Variants in FADS1 observed in about 807,000 individuals in gnomAD.
FADS1 encodes the protein fatty acid desaturase 1, also known as acyl-CoA (8-3)-desaturase.
In FADS1, 17 loss-of-function variants were observed where a neutral mutation model predicts 61.6. The ratio of observed to expected loss-of-function variants is 0.28; its 90% CI spans 0.19 to 0.41. FADS1 has a LOEUF of 0.41. Ranked by LOEUF, FADS1 falls within the 10% of genes least tolerant of loss-of-function variation. The pLI is 1.00. For synonymous variants in FADS1, 238 were observed against 258.7 expected, an observed-to-expected ratio of 0.92 and a Z score of 0.77; for missense variants, 387 against 650.9, an observed-to-expected ratio of 0.59 and a Z score of 4.41.
chr11:61,811,919 TTGGCCAGGC>T (rs1321007531), intron 3 of FADS1: 2 of 421,756 alleles, frequency 4.7e-6, no homozygotes, highest in Non-Finnish European at 9.6e-6. Flanking sequence ...TTTCACCACG[TTGGCCAGGC>T]TGGTCTTGAA....
At position 61,801,318 on chromosome 11, in the gene FADS1, G is replaced by A. The variant is rs938528840; in HGVS notation, c.*1093C>T. On this transcript the variant is annotated 3_prime_UTR_variant, in exon 12 of 12. Transcript: ENST00000350997. ...TTGGGAAGCAAAGGGAAACCACTGG[G>A]CATCCCCTTTGTTTCTAGGGAGAAA... 2.6e-5 allele frequency: 4 copies of A among 152,272 alleles called. No homozygotes were observed. Among genetic ancestry groups the A allele is most frequent in the African/African-American group, 9.7e-5 (4 of 41,414 alleles). The allele number at this position is 152,272 out of a possible 1,614,324, so 9.4% of individuals were successfully genotyped here.
chr11:61,803,172 T>TC lies in FADS1; in HGVS notation c.1249-62dup. On this transcript the variant is annotated intron_variant, in intron 9 of 11. Coordinates refer to ENST00000350997, the MANE Select transcript of FADS1 (RefSeq NM_013402.7). This position sits in a 1 kb window ranked among gnomAD's most constrained non-coding sequence, Gnocchi z 4.3. ...TCAGATGGAAAGGCCAGCCCAGCAT[T>TC]CTCCAGGTAAAGCTGGCTGAGGAAG... is the stretch of plus-strand genomic sequence containing the variant. 6.5e-7 allele frequency: 1 copy of TC among 1,534,118 alleles called. No individual in the cohort carries two copies. The highest frequency in any genetic ancestry group is 1.7e-5 in the Admixed American group (1 of 58,886).
rs1349269229 is a variant in FADS1, at chr11:61,800,707, C to G, written c.*1704G>C. ...TCCTCCTAGTTTGAGGTTCTCTTCT[C>G]CCAGTGTCTAAAATGATCAATATGC... On this transcript the variant is annotated 3_prime_UTR_variant, in exon 12 of 12. Coordinates refer to ENST00000350997, the MANE Select transcript of FADS1 (RefSeq NM_013402.7). 2.0e-5 allele frequency: 3 copies of G among 152,362 alleles called. No homozygotes were observed. Among genetic ancestry groups the G allele is most frequent in the Non-Finnish European group, 4.4e-5 (3 of 68,038 alleles). The allele number at this position is 152,362 out of a possible 1,614,324, so 9.4% of individuals were successfully genotyped here.
chr11:61,803,865 A>G lies in FADS1; in HGVS notation c.1054-98T>C. ...GCATGGTGCAGCCATTCTCCTGGTT[A>G]TCCAGACTCACTCATCTTCAGCTTC... On this transcript the variant is annotated intron_variant, in intron 7 of 11. Transcript: ENST00000350997. The surrounding 1 kb of genome is among the most constrained non-coding windows in gnomAD (Gnocchi z 4.3). 2 of 888,298 alleles carry G rather than the reference A, an allele frequency of 2.3e-6. No homozygotes were observed. Among genetic ancestry groups the G allele is most frequent in the South Asian group, 2.9e-5 (2 of 69,202 alleles). The allele number at this position is 888,298 out of a possible 1,614,324, so 55.0% of individuals were successfully genotyped here.
chr11:61,811,096 C>CT, intron 3 of FADS1, 21 bp from the exon 4 acceptor site: 1 of 1,587,374 alleles, frequency 6.3e-7, no homozygotes, highest in South Asian at 1.1e-5. Context: ...AGAGTCAACA[C>CT]TGAGAGCAGC....
At chr11:61,804,349 A>C (rs1325150580) in intron 7 of FADS1, 1 of 287,126 alleles carries the variant, frequency 3.5e-6, no homozygotes, top group Non-Finnish European at 6.5e-6. Flanking sequence ...CTCTTTTCTG[A>C]TTAATAACCA....
At position 61,805,286 on chromosome 11, in the gene FADS1, A is replaced by C. The variant is rs935738765; in HGVS notation, c.977-525T>G. The C allele has an allele frequency of 1.9e-5, 3 of 156,962 alleles. No homozygotes were observed. The East Asian group carries it at 5.6e-4, about 29-fold the overall frequency. 9.7% of individuals were successfully genotyped at this position (156,962 alleles called of 1,614,324 possible). ...TTGGGAGGGACCCTGTGGATCCTTC[A>C]CAGGCTGTGAAGCTCACTTCCTTAA... On this transcript the variant is annotated intron_variant, in intron 6 of 11. Transcript: ENST00000350997.
chr11:61,816,919 C>T lies in FADS1; in HGVS notation c.11G>A (p.Arg4His), dbSNP rs2066991209. ...GGGCAGACCGGCGGGCCTCGCAGCGCGCGTTCCCATTGGCCGAGCCTCGTG... is the reference window on the plus strand; with the variant it reads ...GGGCAGACCGGCGGGCCTCGCAGCGTGCGTTCCCATTGGCCGAGCCTCGTG... The part of the protein sequence containing the change: MGT[R>H]AARPAGLPCG... The change falls in exon 1 of 12, where the codon CGC becomes CAC. Residue 4 changes from arginine to histidine, a missense_variant. By Grantham distance (29) the Arg-to-His change is conservative. Coordinates refer to ENST00000350997, the MANE Select transcript of FADS1 (RefSeq NM_013402.7). This position sits in a 1 kb window ranked among gnomAD's most constrained non-coding sequence, Gnocchi z 7.0. The T allele has an allele frequency of 1.4e-6, 2 of 1,399,764 alleles. No homozygotes were observed. The highest frequency in any genetic ancestry group is 1.8e-6 in the Non-Finnish European group (2 of 1,087,610). The allele number at this position is 1,399,764 out of a possible 1,614,324, so 86.7% of individuals were successfully genotyped here.
At chr11:61,808,833 C>T (rs942119509) in intron 5 of FADS1, among the ~76,000 whole-genome samples, 6 of 152,222 alleles carry the variant, frequency 3.9e-5, no homozygotes, top group African/African-American at 1.4e-4. Flanking sequence ...CCTGCTCCTC[C>T]GTGGTCTGGT....
At position 61,801,410 on chromosome 11, in the gene FADS1, T is replaced by C. The variant is rs1010310303; in HGVS notation, c.*1001A>G. On this transcript the variant is annotated 3_prime_UTR_variant, in exon 12 of 12. Coordinates refer to ENST00000350997, the MANE Select transcript of FADS1 (RefSeq NM_013402.7). ...AAGACCCCCAGTCCTAGAAGTGTTC[T>C]GTTCCTGAGGAGTGGTTAAAGAGGT... is the stretch of plus-strand genomic sequence containing the variant. 3.3e-5 allele frequency: 5 copies of C among 152,372 alleles called. No individual in the cohort carries two copies. Among genetic ancestry groups the C allele is most frequent in the Non-Finnish European group, 7.3e-5 (5 of 68,044 alleles). The allele number at this position is 152,372 out of a possible 1,614,324, so 9.4% of individuals were successfully genotyped here. A position where few individuals can be genotyped will look rare whatever the true frequency, so the allele number is the denominator to read the frequency against.
At chr11:61,810,435 G>A (rs1189739761) in intron 5 of FADS1, among the ~76,000 whole-genome samples, 1 of 152,180 alleles carries the variant, frequency 6.6e-6, no homozygotes, top group African/African-American at 2.4e-5. Flanking sequence ...TCCAGGAGGT[G>A]CCATCAGCAC....
chr11:61,811,127 T>C (rs2066928177), intron 3 of FADS1, 52 bp from the exon 4 acceptor site: 1 of 1,362,334 alleles, frequency 7.3e-7, no homozygotes, highest in Admixed American at 1.7e-5. Context: ...CAGTGTCGCC[T>C]TCACTGACCT....
Position 61,812,230 on chromosome 11 carries a change from T to C in FADS1, c.684+241A>G, listed in dbSNP as rs553545122. ...GGGCTGTGGCAGAGAACAAACCGCATAGGAAGAAGAGAACCCTTGGAGAAG... is the reference window on the plus strand; with the variant it reads ...GGGCTGTGGCAGAGAACAAACCGCACAGGAAGAAGAGAACCCTTGGAGAAG... On this transcript the variant is annotated intron_variant, in intron 3 of 11. Coordinates refer to ENST00000350997, the MANE Select transcript of FADS1 (RefSeq NM_013402.7). Among the ~76,000 whole-genome samples the C allele has an allele frequency of 3.0e-4, 45 of 152,206 alleles. 2 individuals carry two copies. The Middle Eastern group carries it at 0.014, about 46-fold the overall frequency.
At chr11:61,811,973 A>G in intron 3 of FADS1, 1 of 362,988 alleles carries the variant, frequency 2.8e-6, no homozygotes, top group South Asian at 2.0e-5. Flanking sequence ...TTGGCCTCCC[A>G]AAGTGCTAGG....
chr11:61,811,730 C>T (rs959490085), intron 3 of FADS1: 2 of 313,586 alleles, frequency 6.4e-6, no homozygotes, highest in Admixed American at 8.1e-5. Context: ...GCTGGGATTA[C>T]AGGCACCCAC....
intron 6 of FADS1, 163 bp from the exon 7 acceptor site, chr11:61,804,924 G>A: frequency 1.6e-6 from 1 of 627,548 alleles, no homozygotes; most frequent in Non-Finnish European, 2.8e-6. Context: ...ACTGGAACCA[G>A]CAGGCACTGA....
At position 61,802,568 on chromosome 11, in the gene FADS1, C is replaced by T; in HGVS notation, c.1455-106G>A. 7.7e-7 allele frequency: 1 copy of T among 1,290,942 alleles called. No homozygotes were observed. Among genetic ancestry groups the T allele is most frequent in the Non-Finnish European group, 1.1e-6 (1 of 913,422 alleles). 80.0% of individuals were successfully genotyped at this position (1,290,942 alleles called of 1,614,324 possible). A position where few individuals can be genotyped will look rare whatever the true frequency, so the allele number is the denominator to read the frequency against. ...CCTTCTTCCATCTGGAGGTTTTCCT[C>T]CCCTCTACTTTAGAGAAAGCTAGCT... On this transcript the variant is annotated intron_variant, in intron 11 of 11. Transcript: ENST00000350997. The surrounding 1 kb of genome is among the most constrained non-coding windows in gnomAD (Gnocchi z 4.2).
intron 5 of FADS1, among the ~76,000 whole-genome samples, chr11:61,809,747 T>C (rs913280315): frequency 6.6e-6 from 1 of 152,148 alleles, no homozygotes; most frequent in African/African-American, 2.4e-5. Context: ...GTCATCTGCA[T>C]AGTACTGACC....
chr11:61,804,639 G>C lies in FADS1; in HGVS notation c.1053+46C>G, dbSNP rs766039999. On this transcript the variant is annotated intron_variant, in intron 7 of 11. Transcript: ENST00000350997. ...TGGGGAACCCCTATCCCCCACTCTG[G>C]GTGCTGGAGACAAGGATGTGGGCTT... 10 of 1,538,254 alleles carry C rather than the reference G, an allele frequency of 6.5e-6. No individual in the cohort carries two copies. The Admixed American group carries it at 8.4e-5, about 13-fold the overall frequency.
Sources: gnomAD v4.1 joint callset for allele counts (sites outside exome capture counted in the v4.1 genomes callset) on GRCh38, gnomAD v4.1.1 for gene constraint, Gnocchi (gnomAD v3.1) non-coding constraint, MANE v1.5 for transcripts, NCBI Gene and HGNC (gene_info 2026-07-23, HGNC 2026-07-21) for gene names.